Variants in HSDL2 observed in about 807,000 individuals in gnomAD.
HSDL2 encodes the protein hydroxysteroid dehydrogenase like 2, also known as hydroxysteroid dehydrogenase-like protein 2.
HSDL2 carries 27 observed loss-of-function variants against 46.3 expected under a neutral mutation model. The ratio of observed to expected loss-of-function variants is 0.58; its 90% CI spans 0.43 to 0.80. The LOEUF (loss-of-function observed/expected upper bound fraction) is 0.80. HSDL2 is among the 30% of genes least tolerant of loss of function. The probability of loss-of-function intolerance (pLI) is 0.00; values close to 1 mark genes in which losing one functional copy is unlikely to be tolerated. For missense variants in HSDL2, 451 were observed against 502.7 expected (o/e 0.90, Z 0.98); for synonymous variants, 153 against 163.6 (o/e 0.94, Z 0.50).
chr9:112,410,379 A>G (rs73535972), intron 4 of HSDL2, among the ~76,000 whole-genome samples: 2,769 of 152,334 alleles, frequency 0.018, 99 homozygotes, highest in African/African-American at 0.063. Context: ...TTCAAATCTT[A>G]ACACTCACCC....
At chr9:112,454,895 G>A (rs1384743888) in intron 9 of HSDL2, among the ~76,000 whole-genome samples, 3 of 151,518 alleles carry the variant, frequency 2.0e-5, no homozygotes, top group Non-Finnish European at 4.4e-5. Flanking sequence ...TAGTAGAGGT[G>A]GGGTTTTGCC....
Position 112,392,032 on chromosome 9 carries a change from A to G in HSDL2, c.17+11852A>G, listed in dbSNP as rs1419906537. 2.0e-5 allele frequency among the ~76,000 whole-genome samples: 3 copies of G among 152,222 alleles called. No individual in the cohort carries two copies. In the East Asian group the frequency reaches 5.8e-4, roughly 29 times the overall value. On this transcript the variant is annotated intron_variant, in intron 1 of 10. Coordinates refer to ENST00000398805, the MANE Select transcript of HSDL2 (RefSeq NM_032303.5). ...AGTGTCGGCCAGCTGAGAAATAGAG[A>G]CAGCACAAAGAGAGGAATTTTACAG...
chr9:112,409,523 C>T (rs1011216825), intron 4 of HSDL2, among the ~76,000 whole-genome samples: 14 of 151,982 alleles, frequency 9.2e-5, no homozygotes, highest in African/African-American at 3.4e-4. Flanking sequence ...ATTTGGAGCT[C>T]CTTTTCTCTA....
intron 10 of HSDL2, among the ~76,000 whole-genome samples, chr9:112,463,850 G>A (rs113897481): frequency 1.3e-3 from 197 of 151,520 alleles, no homozygotes; most frequent in African/African-American, 4.5e-3. Context: ...TACTAGAGAC[G>A]GGGTTTCACC....
intron 1 of HSDL2, among the ~76,000 whole-genome samples, chr9:112,386,305 G>A (rs1245668965): frequency 1.3e-5 from 2 of 152,042 alleles, no homozygotes; most frequent in East Asian, 1.9e-4. Context: ...TGACTGAAGT[G>A]TAACCTTTAG....
intron 8 of HSDL2, among the ~76,000 whole-genome samples, chr9:112,446,951 G>A (rs1421388181): frequency 3.3e-5 from 5 of 152,140 alleles, no homozygotes; most frequent in Admixed American, 2.0e-4. Context: ...TTCTTTGTTC[G>A]GGTGGGCAGA....
At chr9:112,447,915 TTTG>T (rs1320342433) in intron 8 of HSDL2, among the ~76,000 whole-genome samples, 1 of 152,216 alleles carries the variant, frequency 6.6e-6, no homozygotes, top group East Asian at 1.9e-4. Context: ...TCATGAGTTT[TTTG>T]TTGTTGTTTT....
At chr9:112,460,109 G>A (rs1833158348) in intron 10 of HSDL2, among the ~76,000 whole-genome samples, 1 of 152,104 alleles carries the variant, frequency 6.6e-6, no homozygotes, top group East Asian at 1.9e-4. Flanking sequence ...AGAAAATTAA[G>A]GATAATTTTC....
chr9:112,470,273 G>A lies in HSDL2; in HGVS notation c.1145-159G>A, dbSNP rs1424475342. ...GTTAACATCTAAGTCTAGGAATTGGGATTCCCAAGATACTGATATAAAATG... is the reference window on the plus strand; with the variant it reads ...GTTAACATCTAAGTCTAGGAATTGGAATTCCCAAGATACTGATATAAAATG... On this transcript the variant is annotated intron_variant, in intron 10 of 10. Coordinates refer to ENST00000398805, the MANE Select transcript of HSDL2 (RefSeq NM_032303.5). Among the ~76,000 whole-genome samples the A allele has an allele frequency of 7.9e-5, 12 of 152,240 alleles. 1 individual carries two copies. The East Asian group carries it at 1.7e-3, about 22-fold the overall frequency.
intron 1 of HSDL2, among the ~76,000 whole-genome samples, chr9:112,402,956 A>AAC (rs966946852): frequency 1.3e-4 from 20 of 151,786 alleles, no homozygotes; most frequent in African/African-American, 3.6e-4. Context: ...AAGAAAAAAA[A>AAC]ACACACACAC....
chr9:112,433,093 CAT>C (rs1344684748), intron 6 of HSDL2, among the ~76,000 whole-genome samples: 1 of 151,964 alleles, frequency 6.6e-6, no homozygotes, highest in Admixed American at 6.6e-5. Flanking sequence ...GCTTTTGAGA[CAT>C]AGTAGCTCAG....
chr9:112,457,964 C>T (rs1482313791), intron 9 of HSDL2, among the ~76,000 whole-genome samples: 5 of 152,178 alleles, frequency 3.3e-5, no homozygotes, highest in African/African-American at 7.2e-5. Context: ...TAGGGCCATA[C>T]GTAAACCTTA....
intron 4 of HSDL2, among the ~76,000 whole-genome samples, chr9:112,415,398 G>T (rs574210127): frequency 1.2e-4 from 18 of 152,100 alleles, no homozygotes; most frequent in African/African-American, 4.3e-4. Flanking sequence ...TAATCTCTTG[G>T]TCAATCATAG....
intron 8 of HSDL2, among the ~76,000 whole-genome samples, chr9:112,445,566 C>T (rs1439347794): frequency 6.6e-6 from 1 of 151,714 alleles, no homozygotes; most frequent in Admixed American, 6.6e-5. Context: ...TCTCTATCAC[C>T]CTGGCTGGAA....
chr9:112,461,861 A>G (rs1587970835), intron 10 of HSDL2, among the ~76,000 whole-genome samples: 1 of 152,240 alleles, frequency 6.6e-6, no homozygotes, highest in South Asian at 2.1e-4. Flanking sequence ...CTTATGTAGC[A>G]TACAGTTGAA....
chr9:112,460,324 C>T (rs1228237684), intron 10 of HSDL2, among the ~76,000 whole-genome samples: 3 of 152,180 alleles, frequency 2.0e-5, no homozygotes, highest in Non-Finnish European at 4.4e-5. Context: ...CTAAGTCTTT[C>T]TTTACAGTTC....
At chr9:112,411,631 C>T (rs928090512) in intron 4 of HSDL2, among the ~76,000 whole-genome samples, 1 of 152,168 alleles carries the variant, frequency 6.6e-6, no homozygotes, top group African/African-American at 2.4e-5. Flanking sequence ...GCCAAGATCA[C>T]ACCACTGCAC....
intron 9 of HSDL2, among the ~76,000 whole-genome samples, chr9:112,457,698 A>G (rs1833073809): frequency 6.6e-6 from 1 of 152,132 alleles, no homozygotes; most frequent in African/African-American, 2.4e-5. Flanking sequence ...CTCTCACTTA[A>G]AAAACAAATC....
chr9:112,441,850 A>G (rs1832645727), intron 8 of HSDL2, 80 bp downstream of exon 8: 1 of 883,702 alleles, frequency 1.1e-6, no homozygotes, highest in Non-Finnish European at 1.8e-6. Flanking sequence ...AATTGATCCT[A>G]TAACAGTGAC....
Sources: allele counts gnomAD v4.1 joint callset (sites outside exome capture counted in the v4.1 genomes callset), GRCh38; gene constraint gnomAD v4.1.1; transcripts MANE v1.5; gene names NCBI Gene and HGNC (gene_info 2026-07-23, HGNC 2026-07-21).